The following HSPA12A variants were observed in gnomAD, a reference collection of about 807,000 sequenced individuals.
HSPA12A encodes heat shock 70 kDa protein 12A.
A neutral mutation model predicts 69.2 loss-of-function variants in HSPA12A; 28 were observed. The observed-to-expected ratio is 0.40, with a 90% CI of 0.30 to 0.55. HSPA12A has a LOEUF of 0.55. HSPA12A is among the 20% of genes least tolerant of loss of function. The pLI, the probability that HSPA12A is intolerant of heterozygous loss-of-function variation, is 0.38. For missense variants in HSPA12A, 686 were observed against 900.7 expected (o/e 0.76, Z 3.05); for synonymous variants, 345 against 370.5 (o/e 0.93, Z 0.79).
At chr10:116,821,699 C>T (rs191813782) in intron 2 of HSPA12A, among the ~76,000 whole-genome samples, 227 of 152,296 alleles carry the variant, frequency 1.5e-3, no homozygotes, top group African/African-American at 5.1e-3. Context: ...TGTGGCTCCA[C>T]GCTGATCCAC....
intron 1 of HSPA12A, among the ~76,000 whole-genome samples, chr10:116,840,499 T>C (rs1845786261): frequency 6.6e-6 from 1 of 152,240 alleles, no homozygotes. Context: ...GCACAGAAAC[T>C]CTATTTTTCC....
chr10:116,820,675 T>A (rs1300557461), intron 2 of HSPA12A, among the ~76,000 whole-genome samples: 1 of 150,700 alleles, frequency 6.6e-6, no homozygotes, highest in Non-Finnish European at 1.5e-5. Flanking sequence ...TCCTCAGACC[T>A]CTCATTCCCA....
At position 116,679,410 on chromosome 10, in the gene HSPA12A, T is replaced by C. The variant is rs1349245139; in HGVS notation, c.1286+93A>G. Reference sequence around the variant, plus strand: ...AAGGTCATACAGCAAGTGTGTAGGATTGGAACCCGAAGTCCACACTTCGCT... The same window carrying C: ...AAGGTCATACAGCAAGTGTGTAGGACTGGAACCCGAAGTCCACACTTCGCT... On this transcript the variant is annotated intron_variant, in intron 10 of 11. Coordinates refer to ENST00000369209, the MANE Select transcript of HSPA12A (RefSeq NM_025015.3). 3.5e-5 allele frequency: 52 copies of C among 1,499,576 alleles called. No individual in the cohort carries two copies. The South Asian group carries it at 5.0e-4, about 14-fold the overall frequency. 92.9% of individuals were successfully genotyped at this position (1,499,576 alleles called of 1,614,324 possible). A position where few individuals can be genotyped will look rare whatever the true frequency, so the allele number is the denominator to read the frequency against.
At chr10:116,735,876 A>C (rs1325360326) in intron 1 of HSPA12A, among the ~76,000 whole-genome samples, 2 of 150,898 alleles carry the variant, frequency 1.3e-5, no homozygotes, top group Non-Finnish European at 2.9e-5. Context: ...GTGCACCTTT[A>C]GTCCCAGCTA....
chr10:116,688,615 G>A (rs1849646736), intron 6 of HSPA12A, among the ~76,000 whole-genome samples: 1 of 152,224 alleles, frequency 6.6e-6, no homozygotes, highest in African/African-American at 2.4e-5. Context: ...CTGGTCTGCG[G>A]TCAGGCTACA....
rs575466122 is a variant in HSPA12A at position 116,733,716 on chromosome 10, G to A, written c.40+8714C>T. 3.3e-5 allele frequency among the ~76,000 whole-genome samples: 5 copies of A among 152,222 alleles called. No individual in the cohort carries two copies. In the South Asian group the frequency reaches 1.0e-3, roughly 32 times the overall value. ...CTCAAAATTTCAAATGACTGAATAG[G>A]AAGTGACTGTAGGCTCTTCCTATTG... is the stretch of plus-strand genomic sequence containing the variant. On this transcript the variant is annotated intron_variant, in intron 1 of 11. Transcript: ENST00000369209.
intron 1 of HSPA12A, among the ~76,000 whole-genome samples, chr10:116,837,275 T>C (rs574886404): frequency 1.3e-5 from 2 of 152,330 alleles, no homozygotes; most frequent in East Asian, 3.9e-4. Flanking sequence ...TGTAAGTTTA[T>C]ATCTAAATCA....
At chr10:116,838,211 T>C (rs1845749397) in intron 1 of HSPA12A, among the ~76,000 whole-genome samples, 1 of 150,698 alleles carries the variant, frequency 6.6e-6, no homozygotes, top group Non-Finnish European at 1.5e-5. Flanking sequence ...GAGAAGAGCT[T>C]GGACTATCGA....
intron 7 of HSPA12A, 75 bp from the exon 8 acceptor site, chr10:116,681,952 G>A: frequency 7.4e-7 from 1 of 1,343,182 alleles, no homozygotes. Context: ...AGTCAGTGAA[G>A]GCAATAGCAT....
rs185367895 is a variant in HSPA12A at position 116,672,280 on chromosome 10, A to G, written c.*2501T>C. Reference sequence around the variant, plus strand: ...TGCTCCGACCCGGAAGGAGAGGTCAACGACCCCTCAGGACACAAAGGGTTT... The same window carrying G: ...TGCTCCGACCCGGAAGGAGAGGTCAGCGACCCCTCAGGACACAAAGGGTTT... On this transcript the variant is annotated 3_prime_UTR_variant, in exon 12 of 12. Transcript: ENST00000369209. The G allele has an allele frequency of 1.1e-4, 17 of 152,356 alleles. No individual in the cohort carries two copies. The highest frequency in any genetic ancestry group is 3.4e-4 in the African/African-American group (14 of 41,586). 9.4% of individuals were successfully genotyped at this position (152,356 alleles called of 1,614,324 possible). A position where few individuals can be genotyped will look rare whatever the true frequency, so the allele number is the denominator to read the frequency against.
At chr10:116,826,061 G>A (rs938168617) in intron 2 of HSPA12A, among the ~76,000 whole-genome samples, 2 of 152,052 alleles carry the variant, frequency 1.3e-5, no homozygotes, top group Non-Finnish European at 2.9e-5. Context: ...GTGTGGCCCC[G>A]AAGTCGACTC....
In HSPA12A at chr10:116,777,097, C is replaced by T. The variant is rs910354877; in HGVS notation, c.91+57838G>A. Reference sequence around the variant, plus strand: ...GTTCTCTGACATGAGTAGTGTGAGACGCCAGCCAGGCTGGAGGGGCGCTGA... The same window carrying T: ...GTTCTCTGACATGAGTAGTGTGAGATGCCAGCCAGGCTGGAGGGGCGCTGA... On this transcript the variant is annotated intron_variant, in intron 2 of 12. Coordinates refer to the HSPA12A transcript ENST00000635765. 9.2e-5 allele frequency among the ~76,000 whole-genome samples: 14 copies of T among 152,314 alleles called. No individual in the cohort carries two copies. The South Asian group carries it at 1.2e-3, about 14-fold the overall frequency.
intron 2 of HSPA12A, among the ~76,000 whole-genome samples, chr10:116,755,358 T>C (rs1843812451): frequency 6.6e-6 from 1 of 151,792 alleles, no homozygotes; most frequent in African/African-American, 2.4e-5. Flanking sequence ...ACATCTGTAA[T>C]CCCAGCACTT....
chr10:116,753,730 T>C (rs1185415997), intron 2 of HSPA12A, among the ~76,000 whole-genome samples: 4 of 152,316 alleles, frequency 2.6e-5, no homozygotes, highest in East Asian at 1.9e-4. Flanking sequence ...AAGTAAGTGT[T>C]CTAAAAGAAT....
At chr10:116,769,485 G>A (rs1554890153) in intron 2 of HSPA12A, among the ~76,000 whole-genome samples, 4 of 152,166 alleles carry the variant, frequency 2.6e-5, no homozygotes, top group African/African-American at 9.6e-5. Context: ...CTGGGGCCCG[G>A]GGTGGCGAAA....
chr10:116,769,749 C>T (rs764740367), intron 2 of HSPA12A, among the ~76,000 whole-genome samples: 13 of 152,300 alleles, frequency 8.5e-5, no homozygotes, highest in Admixed American at 5.2e-4. Flanking sequence ...TGGAGATGCA[C>T]GAAGCAGCGC....
chr10:116,698,987 C>G (rs1554881281), intron 4 of HSPA12A, among the ~76,000 whole-genome samples: 1 of 152,168 alleles, frequency 6.6e-6, no homozygotes, highest in African/African-American at 2.4e-5. Flanking sequence ...CCTTCTCTCC[C>G]TCTAGCTCCT....
chr10:116,708,507 T>C (rs1850328301), intron 1 of HSPA12A, among the ~76,000 whole-genome samples: 1 of 152,160 alleles, frequency 6.6e-6, no homozygotes, highest in African/African-American at 2.4e-5. Flanking sequence ...TTCTACTTGA[T>C]GAGGACTCAG....
upstream of HSPA12A, among the ~76,000 whole-genome samples, chr10:116,744,901 T>C (rs1195674787): frequency 6.6e-6 from 1 of 152,182 alleles, no homozygotes; most frequent in Non-Finnish European, 1.5e-5. Flanking sequence ...TGGAGTCTTC[T>C]TCCCCAATAG....
Sources: gnomAD v4.1 joint callset for allele counts (sites outside exome capture counted in the v4.1 genomes callset) on GRCh38, gnomAD v4.1.1 for gene constraint, MANE v1.5 for transcripts, NCBI Gene and HGNC (gene_info 2026-07-23, HGNC 2026-07-21) for gene names.